Variants in SOX5 observed in about 807,000 individuals in gnomAD.
The protein encoded by SOX5 is transcription factor SOX-5.
A neutral mutation model predicts 92.0 loss-of-function variants in SOX5; 9 were observed. That is an observed-to-expected ratio of 0.10 (90% CI 0.06 to 0.17). The LOEUF (loss-of-function observed/expected upper bound fraction) is 0.17, where lower values mean the gene tolerates loss of function less well. Ranked by LOEUF, SOX5 falls within the 10% of genes least tolerant of loss-of-function variation. The probability of loss-of-function intolerance (pLI) is 1.00; values close to 1 mark genes in which losing one functional copy is unlikely to be tolerated. For synonymous variants in SOX5, 344 were observed against 336.3 expected (o/e 1.02, Z -0.25); for missense variants, 642 against 944.5 (o/e 0.68, Z 4.20).
At chr12:23,718,123 C>A (rs1286254238) in intron 6 of SOX5, among the ~76,000 whole-genome samples, 6 of 151,692 alleles carry the variant, frequency 4.0e-5, no homozygotes, top group Admixed American at 3.9e-4. Context: ...AAAATCAAGC[C>A]ATAAATATGT....
At chr12:23,659,177 C>A (rs545413110) in intron 7 of SOX5, among the ~76,000 whole-genome samples, 1 of 152,184 alleles carries the variant, frequency 6.6e-6, no homozygotes, top group South Asian at 2.1e-4. Context: ...GACACGTGAA[C>A]TCTTTGCATA....
At chr12:24,555,479 A>G (rs1379976748) in intron 1 of SOX5, among the ~76,000 whole-genome samples, 1 of 152,246 alleles carries the variant, frequency 6.6e-6, no homozygotes, top group Non-Finnish European at 1.5e-5. Context: ...TTATTTAAAT[A>G]TATTTACAAT....
intron 3 of SOX5, among the ~76,000 whole-genome samples, chr12:23,827,359 G>T (rs568728159): frequency 2.0e-5 from 3 of 152,212 alleles, no homozygotes; most frequent in African/African-American, 4.8e-5. Flanking sequence ...AATAAAAAGA[G>T]AATGGTAAAT....
At chr12:24,498,249 G>GTATAA (rs1947845028) in intron 1 of SOX5, among the ~76,000 whole-genome samples, 1 of 151,866 alleles carries the variant, frequency 6.6e-6, no homozygotes, top group Non-Finnish European at 1.5e-5. Context: ...GATTAATAAG[G>GTATAA]TAAACAATAT....
intron 1 of SOX5, chr12:24,460,550 G>A (rs1164562242): frequency 6.6e-6 from 1 of 152,150 alleles, no homozygotes; most frequent in Non-Finnish European, 1.5e-5. Context: ...AAGTGGATTA[G>A]GTTCAAACTA....
At chr12:24,088,170 G>T (rs891489267) in intron 4 of SOX5, among the ~76,000 whole-genome samples, 9 of 151,726 alleles carry the variant, frequency 5.9e-5, no homozygotes, top group African/African-American at 2.2e-4. Context: ...GTCAACACAG[G>T]GTTACTGAAT....
chr12:23,707,826 A>C (rs2091591002), intron 6 of SOX5, among the ~76,000 whole-genome samples: 1 of 152,098 alleles, frequency 6.6e-6, no homozygotes, highest in African/African-American at 2.4e-5. Context: ...CATTAAAACA[A>C]TCTGAAAATG....
chr12:24,329,840 T>C (rs972281709), intron 2 of SOX5, among the ~76,000 whole-genome samples: 114 of 152,236 alleles, frequency 7.5e-4, no homozygotes, highest in Non-Finnish European at 1.0e-3. Context: ...CTGGCCAACA[T>C]GGTGAAACCC....
At chr12:23,790,548 TCACACA>T (rs941547453) in intron 3 of SOX5, among the ~76,000 whole-genome samples, 13 of 137,320 alleles carry the variant, frequency 9.5e-5, no homozygotes, top group African/African-American at 2.8e-4. Context: ...TCTCAATCTC[TCACACA>T]CACACACACA....
intron 4 of SOX5, among the ~76,000 whole-genome samples, chr12:24,190,715 A>C (rs1956439330): frequency 6.6e-6 from 1 of 152,224 alleles, no homozygotes; most frequent in Non-Finnish European, 1.5e-5. Context: ...GGACAACCCA[A>C]TATTTCATGT....
At chr12:23,849,564 T>C (rs1050491387) in intron 2 of SOX5, among the ~76,000 whole-genome samples, 1 of 152,334 alleles carries the variant, frequency 6.6e-6, no homozygotes, top group South Asian at 2.1e-4. Flanking sequence ...AGTGCTATTA[T>C]ACCTCTTTCA....
intron 3 of SOX5, among the ~76,000 whole-genome samples, chr12:24,270,372 C>T (rs536421017): frequency 1.4e-4 from 21 of 152,210 alleles, no homozygotes; most frequent in Admixed American, 1.2e-3. Flanking sequence ...GTGGGGAACT[C>T]TTTATAAGAA....
At chr12:24,535,356 C>T (rs1951549170) in intron 1 of SOX5, among the ~76,000 whole-genome samples, 1 of 152,124 alleles carries the variant, frequency 6.6e-6, no homozygotes, top group Non-Finnish European at 1.5e-5. Flanking sequence ...TACAAATACT[C>T]CTGGGTATAG....
chr12:24,126,650 C>T (rs938421056), intron 4 of SOX5, among the ~76,000 whole-genome samples: 5 of 152,268 alleles, frequency 3.3e-5, no homozygotes, highest in Middle Eastern at 3.4e-3. Context: ...AATGTAAACC[C>T]GACAATTGCA....
At chr12:24,259,407 C>T (rs1941755357) in intron 3 of SOX5, among the ~76,000 whole-genome samples, 1 of 152,122 alleles carries the variant, frequency 6.6e-6, no homozygotes. Context: ...CAGTTCAATG[C>T]ATTGTTTACT....
chr12:23,608,757 G>A (rs1256113693), intron 8 of SOX5, among the ~76,000 whole-genome samples: 1 of 152,130 alleles, frequency 6.6e-6, no homozygotes, highest in African/African-American at 2.4e-5. Context: ...CACATGATGT[G>A]TACAAAACAC....
At chr12:23,819,784 C>T (rs2955525) in intron 3 of SOX5, among the ~76,000 whole-genome samples, 71,313 of 151,968 alleles carry the variant, frequency 0.47, 17,026 homozygotes, top group East Asian at 0.82. Context: ...GGCTGCATAC[C>T]ATTTCATGGT....
chr12:24,258,210 T>G (rs536324031), intron 3 of SOX5, among the ~76,000 whole-genome samples: 1 of 152,110 alleles, frequency 6.6e-6, no homozygotes, highest in African/African-American at 2.4e-5. Context: ...TTCTGAGAAC[T>G]AAGCCATATT....
intron 2 of SOX5, among the ~76,000 whole-genome samples, chr12:23,893,762 C>G (rs894029918): frequency 6.6e-6 from 1 of 152,314 alleles, no homozygotes; most frequent in East Asian, 1.9e-4. Flanking sequence ...AATGGAATGT[C>G]TGACTTTCTT....
Sources: gnomAD v4.1 joint callset for allele counts (sites outside exome capture counted in the v4.1 genomes callset) on GRCh38, gnomAD v4.1.1 for gene constraint, MANE v1.5 for transcripts, NCBI Gene and HGNC (gene_info 2026-07-23, HGNC 2026-07-21) for gene names.